Variants in PUDP observed in about 807,000 individuals in gnomAD.
The protein encoded by PUDP is pseudouridine-5'-phosphatase.
In PUDP, 8 loss-of-function variants were observed where a neutral mutation model predicts 9.4. The ratio of observed to expected loss-of-function variants is 0.85; its 90% CI spans 0.50 to 1.53. The LOEUF is 1.53. PUDP is among the 40% of genes most tolerant of loss of function. The pLI is 0.00. For synonymous variants in PUDP, 99 were observed against 80.7 expected (o/e 1.23, Z -1.22); for missense variants, 188 against 189.7 (o/e 0.99, Z 0.05).
At chrX:7,103,988 G>A (rs1480450315) in intron 2 of PUDP, among the ~76,000 whole-genome samples, 1 of 112,076 alleles carries the variant, frequency 8.9e-6, no homozygotes, top group Non-Finnish European at 1.9e-5. Flanking sequence ...AAACAATATG[G>A]TGGTCACTCA....
intron 3 of PUDP, among the ~76,000 whole-genome samples, chrX:6,747,683 C>CA (rs1371906332): frequency 4.5e-5 from 5 of 112,354 alleles, no homozygotes; most frequent in Non-Finnish European, 9.4e-5. Flanking sequence ...GTCTCTGACT[C>CA]ATTATTAAAA....
chrX:6,806,685 G>T (rs1926055342), intron 3 of PUDP, among the ~76,000 whole-genome samples: 1 of 111,253 alleles, frequency 9.0e-6, no homozygotes, highest in Non-Finnish European at 1.9e-5. Flanking sequence ...AGAGAGAAAA[G>T]GGTATGAAGA....
intron 3 of PUDP, among the ~76,000 whole-genome samples, chrX:6,834,320 C>T (rs1448045944): frequency 8.9e-6 from 1 of 111,807 alleles, no homozygotes; most frequent in Non-Finnish European, 1.9e-5. Flanking sequence ...TTCATGTTCT[C>T]TAATCATTCA....
At chrX:6,869,481 T>G (rs1334149269) in intron 3 of PUDP, among the ~76,000 whole-genome samples, 1 of 111,858 alleles carries the variant, frequency 8.9e-6, no homozygotes, top group African/African-American at 3.2e-5. Flanking sequence ...GCAGATTGCT[T>G]TTTTGTGTAG....
chrX:6,854,942 A>C (rs1407862123), intron 3 of PUDP, among the ~76,000 whole-genome samples: 2 of 111,853 alleles, frequency 1.8e-5, no homozygotes, highest in Non-Finnish European at 3.8e-5. Flanking sequence ...TTCAAGTTCA[A>C]CTCTCTAGTT....
chrX:6,720,230 GTGTGTATA>G (rs1924649698), intron 1 of PUDP, among the ~76,000 whole-genome samples: 2 of 78,352 alleles, frequency 2.6e-5, no homozygotes, highest in Non-Finnish European at 4.7e-5. Context: ...GTGTATATAT[GTGTGTATA>G]TATGTATGTG....
intron 3 of PUDP, among the ~76,000 whole-genome samples, chrX:6,751,026 C>T (rs1000731124): frequency 3.6e-5 from 4 of 109,995 alleles, no homozygotes; most frequent in Non-Finnish European, 7.6e-5. Flanking sequence ...CCTGTAGTCC[C>T]AGCTACTCGG....
intron 3 of PUDP, among the ~76,000 whole-genome samples, chrX:6,939,481 A>C (rs1206225602): frequency 9.2e-6 from 1 of 109,084 alleles, no homozygotes; most frequent in Non-Finnish European, 1.9e-5. Flanking sequence ...AGATGAAATA[A>C]TCTATTATTT....
At chrX:6,755,935 T>C (rs1472416452) in intron 3 of PUDP, among the ~76,000 whole-genome samples, 3 of 110,885 alleles carry the variant, frequency 2.7e-5, no homozygotes, top group Non-Finnish European at 5.7e-5. Flanking sequence ...GAGAATGTTG[T>C]CCTGAAAACC....
chrX:6,972,624 G>C (rs1928893839), intron 3 of PUDP, among the ~76,000 whole-genome samples: 1 of 112,064 alleles, frequency 8.9e-6, no homozygotes, highest in Non-Finnish European at 1.9e-5. Context: ...TTTTATTGAG[G>C]ATTTTCACAT....
rs192709751 is a variant in PUDP, at chrX:6,965,924, C to T, written c.*247+11209G>A. ...ACTCCAAACAGACACATTTATAGAT[C>T]AGGAATATTGAAACCTCAGAACATA... On this transcript the variant is annotated intron_variant and NMD_transcript_variant, in intron 3 of 3. Transcript: ENST00000655425. Among the ~76,000 whole-genome samples, 84 of 111,604 alleles carry T rather than the reference C, an allele frequency of 7.5e-4. 1 individual carries two copies. The highest frequency in any genetic ancestry group is 1.1e-3 in the Admixed American group (12 of 10,461).
intron 1 of PUDP, among the ~76,000 whole-genome samples, chrX:6,996,049 C>T (rs776236786): frequency 9.0e-6 from 1 of 110,626 alleles, no homozygotes; most frequent in South Asian, 3.9e-4. Context: ...TAAAGGTATA[C>T]ACTGCTGCTT....
chrX:6,995,812 C>A lies in PUDP; in HGVS notation c.205-17469G>T, dbSNP rs73455774. The stretch of plus-strand genomic sequence containing the variant: ...ATAGCTAGAAGAACAAGGAGAAAAA[C>A]CTCATCTTGGGTCTTATAGCATCAG... On this transcript the variant is annotated intron_variant and NMD_transcript_variant, in intron 1 of 3. Transcript: ENST00000655425. 9.3e-3 allele frequency among the ~76,000 whole-genome samples: 1,006 copies of A among 107,623 alleles called. 15 individuals carry two copies. The highest frequency in any genetic ancestry group is 0.032 in the African/African-American group (956 of 29,590). The allele number at this position is 107,623 out of a possible 115,157, so 93.5% of individuals were successfully genotyped here.
At chrX:6,934,634 A>C (rs1928264894) in intron 3 of PUDP, among the ~76,000 whole-genome samples, 1 of 106,443 alleles carries the variant, frequency 9.4e-6, no homozygotes, top group Admixed American at 1.0e-4. Context: ...ACATAACACT[A>C]TTAACTTTAA....
chrX:7,119,118 T>C (rs1421144901), intron 1 of PUDP, among the ~76,000 whole-genome samples: 2 of 112,074 alleles, frequency 1.8e-5, no homozygotes, highest in Non-Finnish European at 3.8e-5. Flanking sequence ...AGAAATGTCC[T>C]CTCAGACCCG....
At chrX:6,874,108 T>A (rs768491256) in intron 3 of PUDP, among the ~76,000 whole-genome samples, 1 of 106,287 alleles carries the variant, frequency 9.4e-6, no homozygotes, top group Admixed American at 1.1e-4. Flanking sequence ...CACTCCAGCC[T>A]GGGCACCAGA....
intron 3 of PUDP, among the ~76,000 whole-genome samples, chrX:6,943,556 A>G (rs1392558789): frequency 8.9e-6 from 1 of 111,788 alleles, no homozygotes; most frequent in Non-Finnish European, 1.9e-5. Flanking sequence ...ATCCAGTGTG[A>G]GATGTTGAAA....
rs187719305 is a variant in PUDP at position 6,732,332 on chromosome X, G to A, written c.*248-25866C>T. On this transcript the variant is annotated intron_variant and NMD_transcript_variant, in intron 3 of 3. Transcript: ENST00000655425. Reference sequence around the variant, plus strand: ...GAGGCCTCATTTGTCTGTAGGTTTAGAACTGTTTTCCTTTATCAACCACAG... The same window carrying A: ...GAGGCCTCATTTGTCTGTAGGTTTAAAACTGTTTTCCTTTATCAACCACAG... Among the ~76,000 whole-genome samples the A allele has an allele frequency of 9.9e-5, 11 of 110,791 alleles. No homozygotes were observed. The East Asian group carries it at 3.1e-3, about 31-fold the overall frequency.
chrX:6,879,431 C>A (rs886925374), intron 3 of PUDP, among the ~76,000 whole-genome samples: 6 of 96,085 alleles, frequency 6.2e-5, no homozygotes, highest in South Asian at 1.0e-3. Context: ...ACAGACAGCA[C>A]AATTACACAC....
Sources: allele counts gnomAD v4.1 joint callset (sites outside exome capture counted in the v4.1 genomes callset), GRCh38; gene constraint gnomAD v4.1.1; transcripts MANE v1.5; gene names NCBI Gene and HGNC (gene_info 2026-07-23, HGNC 2026-07-21).